Variants in ROBO2 observed in about 807,000 individuals in gnomAD.
ROBO2 encodes roundabout homolog 2.
ROBO2 carries 53 observed loss-of-function variants against 160.8 expected under a neutral mutation model. The observed-to-expected ratio is 0.33, with a 90% confidence interval of 0.26 to 0.41. The LOEUF is 0.41. Among genes scored for constraint, ROBO2 ranks in the 10% least tolerant of loss-of-function variants. ROBO2 has a pLI of 1.00. For missense variants in ROBO2, 1,577 were observed against 1,722.4 expected (o/e 0.92, Z 1.49); for synonymous variants, 664 against 611.7 (o/e 1.09, Z -1.26).
Position 77,546,342 on chromosome 3 carries a change from C to T in ROBO2, c.939C>T (p.Pro313=), listed in dbSNP as rs1347112333. The T allele has an allele frequency of 5.6e-6, 9 of 1,612,830 alleles. No individual in the cohort carries two copies. The highest frequency in any genetic ancestry group is 7.6e-6 in the Non-Finnish European group (9 of 1,179,222). ...TTCTTTTCTTTTAAATTATAGCTCC[C>T]CCACAGTTTGTGGTTCGGCCAAGAG... Residue 313 remains proline, a synonymous_variant, in exon 7 of 26, where the codon CCC becomes CCT. Coordinates refer to ENST00000461745, the Ensembl canonical transcript of ROBO2.
intron 2 of ROBO2, among the ~76,000 whole-genome samples, chr3:76,678,870 A>G (rs1261361713): frequency 6.6e-6 from 1 of 152,200 alleles, no homozygotes; most frequent in African/African-American, 2.4e-5. Context: ...TGAGTTTTTA[A>G]TGGTATTATT....
chr3:76,387,459 A>C (rs2076947243), intron 2 of ROBO2, among the ~76,000 whole-genome samples: 1 of 150,708 alleles, frequency 6.6e-6, no homozygotes, highest in Non-Finnish European at 1.5e-5. Flanking sequence ...TGTTAGAATA[A>C]ATGAAAGCAG....
chr3:75,932,948 A>C (rs1365972459), intron 1 of ROBO2, among the ~76,000 whole-genome samples: 1 of 152,208 alleles, frequency 6.6e-6, no homozygotes. Flanking sequence ...ATATCTATAT[A>C]TACAATTTAT....
intron 2 of ROBO2, among the ~76,000 whole-genome samples, chr3:77,165,647 C>G (rs1553809755): frequency 1.3e-5 from 2 of 151,844 alleles, no homozygotes; most frequent in Non-Finnish European, 2.9e-5. Context: ...TTTTTGTAAA[C>G]TTTTAATTGA....
intron 2 of ROBO2, among the ~76,000 whole-genome samples, chr3:76,390,730 C>T (rs2077108572): frequency 6.6e-6 from 1 of 152,158 alleles, no homozygotes; most frequent in Non-Finnish European, 1.5e-5. Flanking sequence ...TCCCTCCTTT[C>T]TAAATGATTA....
At chr3:77,194,063 C>T (rs1349614008) in intron 2 of ROBO2, among the ~76,000 whole-genome samples, 1 of 152,142 alleles carries the variant, frequency 6.6e-6, no homozygotes, top group Non-Finnish European at 1.5e-5. Flanking sequence ...TGTGAGATGA[C>T]AGTTGATGAC....
intron 2 of ROBO2, among the ~76,000 whole-genome samples, chr3:76,756,732 A>G (rs947897162): frequency 1.3e-5 from 2 of 151,862 alleles, no homozygotes; most frequent in African/African-American, 2.4e-5. Flanking sequence ...ATGCTCTGTC[A>G]ATCTGTTACC....
intron 2 of ROBO2, among the ~76,000 whole-genome samples, chr3:76,096,705 T>A (rs1240118333): frequency 6.6e-6 from 1 of 152,240 alleles, no homozygotes; most frequent in Non-Finnish European, 1.5e-5. Flanking sequence ...TATTGTCTCA[T>A]TTAATCCTTA....
At chr3:77,013,795 C>T (rs983822982) in intron 2 of ROBO2, among the ~76,000 whole-genome samples, 1 of 152,206 alleles carries the variant, frequency 6.6e-6, no homozygotes, top group Admixed American at 6.5e-5. Flanking sequence ...GATTTATTCT[C>T]TGCACCTTCA....
At chr3:76,351,153 TAAA>T (rs1431725086) in intron 2 of ROBO2, among the ~76,000 whole-genome samples, 10 of 151,938 alleles carry the variant, frequency 6.6e-5, no homozygotes, top group Admixed American at 1.3e-4. Flanking sequence ...CTTTTATAGG[TAAA>T]AAAATTGAAC....
chr3:76,775,031 A>G (rs1049318201), intron 2 of ROBO2, among the ~76,000 whole-genome samples: 11 of 150,904 alleles, frequency 7.3e-5, no homozygotes, highest in Admixed American at 1.3e-4. Flanking sequence ...TATAATTGAT[A>G]TAAAAATATA....
At chr3:77,621,890 T>C (rs967006010) in intron 22 of ROBO2, among the ~76,000 whole-genome samples, 3 of 152,202 alleles carry the variant, frequency 2.0e-5, no homozygotes, top group Admixed American at 6.5e-5. Context: ...ATAATATTTT[T>C]GGAGAAAAAT....
At chr3:77,564,416 A>G (rs1384446655) in intron 11 of ROBO2, 1 of 455,304 alleles carries the variant, frequency 2.2e-6, no homozygotes, top group South Asian at 1.6e-5. Context: ...CCAAGGGAAA[A>G]TATTCATTAC....
At chr3:77,466,285 G>A (rs962197963) in intron 2 of ROBO2, among the ~76,000 whole-genome samples, 1 of 152,114 alleles carries the variant, frequency 6.6e-6, no homozygotes, top group Non-Finnish European at 1.5e-5. Context: ...CATATTTTGT[G>A]ATGTGGACAT....
At chr3:77,634,824 C>T (rs1162863572) in intron 23 of ROBO2, 46 bp from the exon 25 acceptor site, 2 of 1,563,534 alleles carry the variant, frequency 1.3e-6, no homozygotes, top group Non-Finnish European at 1.8e-6. Flanking sequence ...AATCAGTGTG[C>T]TATAATGTCA....
intron 2 of ROBO2, among the ~76,000 whole-genome samples, chr3:76,051,398 C>T (rs1348690021): frequency 1.3e-5 from 2 of 152,138 alleles, no homozygotes; most frequent in Admixed American, 6.5e-5. Flanking sequence ...TTTTTGTAGA[C>T]TTTGTTTTCA....
chr3:77,232,930 G>C (rs918635356), intron 2 of ROBO2, among the ~76,000 whole-genome samples: 20 of 152,108 alleles, frequency 1.3e-4, no homozygotes, highest in African/African-American at 4.3e-4. Flanking sequence ...AATTATATAT[G>C]ATTTCATTTA....
intron 2 of ROBO2, among the ~76,000 whole-genome samples, chr3:76,369,155 T>C (rs1421141214): frequency 6.6e-6 from 1 of 151,920 alleles, no homozygotes; most frequent in African/African-American, 2.4e-5. Context: ...TTTGCAGAAA[T>C]GCCTCTCTTT....
intron 2 of ROBO2, among the ~76,000 whole-genome samples, chr3:77,243,134 C>T (rs559402129): frequency 1.3e-4 from 20 of 151,776 alleles, no homozygotes; most frequent in Non-Finnish European, 2.6e-4. Context: ...TATAGCAAAG[C>T]GTCATCCATC....
Sources: allele counts gnomAD v4.1 joint callset (sites outside exome capture counted in the v4.1 genomes callset), GRCh38; gene constraint gnomAD v4.1.1; transcripts MANE v1.5; gene names NCBI Gene and HGNC (gene_info 2026-07-23, HGNC 2026-07-21).